Variants in AUTS2 observed in about 807,000 individuals in gnomAD.
AUTS2 encodes activator of transcription and developmental regulator AUTS2, also known as autism susceptibility gene 2 protein.
In AUTS2, 17 loss-of-function variants were observed where a neutral mutation model predicts 112.4. The observed-to-expected ratio is 0.15, with a 90% CI of 0.10 to 0.23. The LOEUF is 0.23. Ranked by LOEUF, AUTS2 falls within the 10% of genes least tolerant of loss-of-function variation. AUTS2 has a pLI of 1.00. For synonymous variants in AUTS2, 751 were observed against 702.7 expected (o/e 1.07, Z -1.09); for missense variants, 1,510 against 1,701.6 (o/e 0.89, Z 1.98).
chr7:70,415,973 G>A (rs73175914), intron 4 of AUTS2, among the ~76,000 whole-genome samples: 5,023 of 152,262 alleles, frequency 0.033, 116 homozygotes, highest in South Asian at 0.057. Context: ...TGAACCCTAC[G>A]TGTGAGAGAG....
intron 15 of AUTS2, chr7:70,782,917 T>C (rs1015334117): frequency 6.6e-6 from 1 of 152,228 alleles, no homozygotes; most frequent in African/African-American, 2.4e-5. Flanking sequence ...TGGAATTTGC[T>C]AAGGTCTCAG....
At chr7:70,588,482 A>G (rs1357909281) in intron 5 of AUTS2, among the ~76,000 whole-genome samples, 3 of 152,212 alleles carry the variant, frequency 2.0e-5, no homozygotes, top group African/African-American at 7.2e-5. Flanking sequence ...CAGTTAGGGA[A>G]AAGAAACAGA....
chr7:70,483,676 G>A (rs1377264188), intron 5 of AUTS2, among the ~76,000 whole-genome samples: 4 of 152,150 alleles, frequency 2.6e-5, no homozygotes, highest in African/African-American at 7.2e-5. Flanking sequence ...TTATTTTACA[G>A]TTGTAGGATT....
intron 1 of AUTS2, among the ~76,000 whole-genome samples, chr7:69,854,765 C>T (rs369607120): frequency 2.0e-5 from 3 of 152,016 alleles, no homozygotes; most frequent in South Asian, 4.1e-4. Context: ...AATTATTGTG[C>T]GAGATGCTGG....
chr7:70,016,053 G>A (rs555536245), intron 2 of AUTS2, among the ~76,000 whole-genome samples: 1 of 152,194 alleles, frequency 6.6e-6, no homozygotes, highest in Admixed American at 6.5e-5. Flanking sequence ...TGGAAGAAAG[G>A]TTTCATTAGC....
At chr7:69,843,742 C>G (rs1792078518) in intron 1 of AUTS2, among the ~76,000 whole-genome samples, 3 of 151,970 alleles carry the variant, frequency 2.0e-5, no homozygotes, top group Non-Finnish European at 4.4e-5. Context: ...GGCCCTAGCT[C>G]AAATGGTAAT....
intron 4 of AUTS2, among the ~76,000 whole-genome samples, chr7:70,350,613 G>T (rs1791705640): frequency 6.6e-6 from 1 of 152,092 alleles, no homozygotes; most frequent in African/African-American, 2.4e-5. Context: ...CCTCCCACCT[G>T]GTCCCTCCCA....
chr7:70,293,510 G>A (rs565215010), intron 4 of AUTS2: 26 of 152,070 alleles, frequency 1.7e-4, no homozygotes, highest in Non-Finnish European at 3.2e-4. Flanking sequence ...AGGACATTTC[G>A]GTTCTGTCAT....
At chr7:70,620,266 G>C (rs934144040) in intron 5 of AUTS2, among the ~76,000 whole-genome samples, 1 of 152,178 alleles carries the variant, frequency 6.6e-6, no homozygotes, top group Non-Finnish European at 1.5e-5. Flanking sequence ...ACATTGTTTA[G>C]AGTCAGTCGA....
chr7:70,544,144 A>G (rs1372504507), intron 5 of AUTS2, among the ~76,000 whole-genome samples: 1 of 152,194 alleles, frequency 6.6e-6, no homozygotes, highest in East Asian at 1.9e-4. Context: ...TGATTTGCTA[A>G]TTACCCAAGT....
chr7:69,622,187 G>A (rs1793701405), intron 1 of AUTS2, among the ~76,000 whole-genome samples: 1 of 152,088 alleles, frequency 6.6e-6, no homozygotes, highest in African/African-American at 2.4e-5. Context: ...AAAAACAAGT[G>A]CTCTGGTATT....
chr7:70,639,527 A>C (rs1585418956), intron 5 of AUTS2, among the ~76,000 whole-genome samples: 1 of 142,638 alleles, frequency 7.0e-6, no homozygotes, highest in South Asian at 2.3e-4. Flanking sequence ...GTGAGGCAGG[A>C]GGATTGCTTA....
chr7:69,970,488 G>A (rs1563004417), intron 2 of AUTS2, among the ~76,000 whole-genome samples: 1 of 152,106 alleles, frequency 6.6e-6, no homozygotes, highest in Non-Finnish European at 1.5e-5. Flanking sequence ...CACAGCTAAG[G>A]CATCCCTATC....
intron 5 of AUTS2, among the ~76,000 whole-genome samples, chr7:70,585,681 G>A (rs1047134549): frequency 6.6e-5 from 10 of 152,182 alleles, no homozygotes; most frequent in Middle Eastern, 3.4e-3. Flanking sequence ...AAAAGTATCC[G>A]AGTTTGAATT....
At chr7:70,330,104 T>G (rs1037461127) in intron 4 of AUTS2, among the ~76,000 whole-genome samples, 2 of 152,212 alleles carry the variant, frequency 1.3e-5, no homozygotes, top group Non-Finnish European at 2.9e-5. Context: ...TCAACATGAA[T>G]TTTGAGAAAC....
chr7:70,785,118 T>G (rs919134521), intron 16 of AUTS2, 99 bp downstream of exon 16: 43 of 1,242,016 alleles, frequency 3.5e-5, no homozygotes, highest in Non-Finnish European at 4.7e-5. Flanking sequence ...CTGGTGGGAG[T>G]CCCAGATACC....
At chr7:69,756,457 A>G (rs1380245021) in intron 1 of AUTS2, among the ~76,000 whole-genome samples, 1 of 152,238 alleles carries the variant, frequency 6.6e-6, no homozygotes, top group Admixed American at 6.5e-5. Flanking sequence ...GGCCTCACTC[A>G]GAAAGAAAGG....
chr7:69,860,306 G>A (rs563465690), intron 1 of AUTS2, among the ~76,000 whole-genome samples: 176 of 152,190 alleles, frequency 1.2e-3, no homozygotes, highest in African/African-American at 4.1e-3. Flanking sequence ...GGTGATATCT[G>A]AAGGGGAAGG....
chr7:70,251,480 GTCT>G (rs1562822267), intron 4 of AUTS2, among the ~76,000 whole-genome samples: 2 of 152,120 alleles, frequency 1.3e-5, no homozygotes, highest in African/African-American at 4.8e-5. Context: ...AGGATTTCTT[GTCT>G]TCTTGTATCT....
Sources: gnomAD v4.1 joint callset for allele counts (sites outside exome capture counted in the v4.1 genomes callset) on GRCh38, gnomAD v4.1.1 for gene constraint, MANE v1.5 for transcripts, NCBI Gene and HGNC (gene_info 2026-07-23, HGNC 2026-07-21) for gene names.